SLC9A9: variants seen among roughly 807,000 people sequenced by gnomAD.
SLC9A9 encodes the protein sodium/hydrogen exchanger 9.
In SLC9A9, 62 loss-of-function variants were observed where a neutral mutation model predicts 77.8. That is an observed-to-expected ratio of 0.80 (90% CI 0.65 to 0.98). SLC9A9 has a LOEUF of 0.98. Ranked by LOEUF, SLC9A9 falls within the 50% of genes least tolerant of loss-of-function variation. SLC9A9 has a pLI of 0.00. For missense variants in SLC9A9, 775 were observed against 774.9 expected (o/e 1.00, Z 0.00); for synonymous variants, 320 against 283.5 (o/e 1.13, Z -1.29).
intron 4 of SLC9A9, among the ~76,000 whole-genome samples, chr3:143,725,391 T>C (rs985196181): frequency 1.3e-5 from 2 of 152,038 alleles, no homozygotes; most frequent in Non-Finnish European, 2.9e-5. Context: ...ACTGGGTATA[T>C]ACCCAAAGGA....
chr3:143,342,855 C>T (rs904316701), intron 14 of SLC9A9, among the ~76,000 whole-genome samples: 13 of 152,278 alleles, frequency 8.5e-5, no homozygotes, highest in African/African-American at 1.7e-4. Context: ...AATATACACG[C>T]GCCACGCTTT....
chr3:143,842,119 G>A (rs1339730964), intron 1 of SLC9A9, among the ~76,000 whole-genome samples: 3 of 151,424 alleles, frequency 2.0e-5, no homozygotes, highest in South Asian at 2.1e-4. Flanking sequence ...GGTGGCTCAC[G>A]CCTGTAATCC....
intron 6 of SLC9A9, among the ~76,000 whole-genome samples, chr3:143,586,065 C>T (rs568624050): frequency 2.0e-4 from 31 of 152,226 alleles, no homozygotes; most frequent in South Asian, 6.2e-4. Context: ...AACAGTATAA[C>T]AGTTTACACC....
chr3:143,283,324 G>C (rs185942145), intron 14 of SLC9A9, among the ~76,000 whole-genome samples: 2 of 152,180 alleles, frequency 1.3e-5, no homozygotes, highest in Non-Finnish European at 2.9e-5. Context: ...GACACTGGAA[G>C]GAAAGGTGGG....
intron 6 of SLC9A9, among the ~76,000 whole-genome samples, chr3:143,584,608 C>T: frequency 6.6e-6 from 1 of 152,110 alleles, no homozygotes; most frequent in South Asian, 2.1e-4. Context: ...TATGTAATCC[C>T]TAACAAAAAA....
At chr3:143,420,059 G>C (rs890746356) in intron 12 of SLC9A9, among the ~76,000 whole-genome samples, 2 of 152,166 alleles carry the variant, frequency 1.3e-5, no homozygotes, top group Admixed American at 6.5e-5. Context: ...TGAATAAACT[G>C]GACAGGGTCA....
intron 5 of SLC9A9, 115 bp downstream of exon 5, chr3:143,693,077 G>C: frequency 1.3e-6 from 1 of 774,498 alleles, no homozygotes; most frequent in Non-Finnish European, 2.1e-6. Flanking sequence ...GTCAACTGCA[G>C]GTGAAGAAAA....
chr3:143,550,599 A>C (rs2036864251), intron 9 of SLC9A9, among the ~76,000 whole-genome samples: 1 of 152,190 alleles, frequency 6.6e-6, no homozygotes, highest in East Asian at 1.9e-4. Context: ...AGCAAAGCCC[A>C]CCAGTCAAGC....
chr3:143,720,248 T>C (rs1934463088), intron 4 of SLC9A9, among the ~76,000 whole-genome samples: 1 of 143,042 alleles, frequency 7.0e-6, no homozygotes, highest in East Asian at 2.0e-4. Flanking sequence ...TTTATATATA[T>C]ATATTTTTTT....
At chr3:143,367,080 TCTC>T (rs1272195041) in intron 13 of SLC9A9, among the ~76,000 whole-genome samples, 1 of 152,214 alleles carries the variant, frequency 6.6e-6, no homozygotes, top group Admixed American at 6.5e-5. Context: ...CCTCTCTTTT[TCTC>T]CTTTTTATTT....
At chr3:143,467,584 T>A (rs188385995) in intron 11 of SLC9A9, among the ~76,000 whole-genome samples, 19 of 147,632 alleles carry the variant, frequency 1.3e-4, no homozygotes, top group Admixed American at 1.0e-3. Context: ...TCTCTACAGA[T>A]TTTTTTTTAA....
intron 7 of SLC9A9, among the ~76,000 whole-genome samples, chr3:143,575,664 G>A (rs1304824114): frequency 6.6e-6 from 1 of 152,132 alleles, no homozygotes; most frequent in African/African-American, 2.4e-5. Context: ...AGTGAGGTCT[G>A]TTCTCCTGAA....
At chr3:143,748,503 C>T (rs1212042000) in intron 4 of SLC9A9, among the ~76,000 whole-genome samples, 1 of 152,164 alleles carries the variant, frequency 6.6e-6, no homozygotes, top group African/African-American at 2.4e-5. Context: ...ATTCCCCTCA[C>T]TAAATGTCTG....
intron 6 of SLC9A9, among the ~76,000 whole-genome samples, chr3:143,633,926 C>A (rs1237642072): frequency 6.6e-6 from 1 of 152,150 alleles, no homozygotes; most frequent in Non-Finnish European, 1.5e-5. Context: ...AAAGGAATAG[C>A]CCATTGCCCC....
In SLC9A9 at chr3:143,784,576, C is replaced by G. The variant is rs531959738; in HGVS notation, c.533+10425G>C. On this transcript the variant is annotated intron_variant, in intron 4 of 15. Transcript: ENST00000316549. Reference sequence around the variant, plus strand: ...GTTTTACCATGTTGCCCTGGCTGGTCTCTAACTCCTGGGCTCAAGTGCTCC... The same window carrying G: ...GTTTTACCATGTTGCCCTGGCTGGTGTCTAACTCCTGGGCTCAAGTGCTCC... 9.7e-3 allele frequency among the ~76,000 whole-genome samples: 1,439 copies of G among 147,926 alleles called. 19 individuals are homozygous for G. The highest frequency in any genetic ancestry group is 0.034 in the African/African-American group (1,343 of 40,018).
At chr3:143,758,007 GTTGTTCTCTT>G (rs1258314215) in intron 4 of SLC9A9, among the ~76,000 whole-genome samples, 57 of 152,232 alleles carry the variant, frequency 3.7e-4, no homozygotes, top group African/African-American at 1.3e-3. Context: ...GTTTTCCAAA[GTTGTTCTCTT>G]TCATCCTCTT....
At position 143,831,878 on chromosome 3, in the gene SLC9A9, CAATT is replaced by C; in HGVS notation, c.378+137_378+140del. On this transcript the variant is annotated intron_variant, in intron 2 of 15. Coordinates refer to ENST00000316549, the MANE Select transcript of SLC9A9 (RefSeq NM_173653.4). ...ATAACTCAGGGTTTGACTCCTTAGT[CAATT>C]AACGTCTCCAAAAGAGTGGTGTTAA... 5 of 751,162 alleles carry C rather than the reference CAATT, an allele frequency of 6.7e-6. No homozygotes were observed. In the South Asian group the frequency reaches 9.2e-5, roughly 14 times the overall value. 46.5% of individuals were successfully genotyped at this position (751,162 alleles called of 1,614,324 possible). A position where few individuals can be genotyped will look rare whatever the true frequency, so the allele number is the denominator to read the frequency against.
chr3:143,516,131 A>G (rs771733942), intron 9 of SLC9A9, among the ~76,000 whole-genome samples: 2 of 152,114 alleles, frequency 1.3e-5, no homozygotes, highest in Non-Finnish European at 2.9e-5. Flanking sequence ...GAAATTGTCC[A>G]TTTAAGTTTT....
In SLC9A9 at chr3:143,654,828, C is replaced by G. The variant is rs530024390; in HGVS notation, c.650-2468G>C. Reference sequence around the variant, plus strand: ...CCCCACCTCCCCACTTATGGAGCCCCTCTGCCCTATGGGGAAGACTCTACA... The same window carrying G: ...CCCCACCTCCCCACTTATGGAGCCCGTCTGCCCTATGGGGAAGACTCTACA... On this transcript the variant is annotated intron_variant, in intron 5 of 15. Transcript: ENST00000316549. Among the ~76,000 whole-genome samples, 4 of 152,262 alleles carry G rather than the reference C, an allele frequency of 2.6e-5. No individual in the cohort carries two copies. The South Asian group carries it at 8.3e-4, about 32-fold the overall frequency.
Sources: allele counts gnomAD v4.1 joint callset (sites outside exome capture counted in the v4.1 genomes callset), GRCh38; gene constraint gnomAD v4.1.1; transcripts MANE v1.5; gene names NCBI Gene and HGNC (gene_info 2026-07-23, HGNC 2026-07-21).